PDE4DIP: variants seen among roughly 807,000 people sequenced by gnomAD.
The protein encoded by PDE4DIP is myomegalin.
PDE4DIP carries 59 observed loss-of-function variants against 221.4 expected under a neutral mutation model. The ratio of observed to expected loss-of-function variants is 0.27; its 90% confidence interval spans 0.22 to 0.33. PDE4DIP has a LOEUF of 0.33. Among genes scored for constraint, PDE4DIP ranks in the 10% least tolerant of loss-of-function variants. The probability of loss-of-function intolerance (pLI) is 1.00; values close to 1 mark genes in which losing one functional copy is unlikely to be tolerated. For synonymous variants in PDE4DIP, 404 were observed against 815.9 expected, an observed-to-expected ratio of 0.50 and a Z score of 8.60; for missense variants, 1,036 against 2,154.2, an observed-to-expected ratio of 0.48 and a Z score of 10.28.
At chr1:148,916,162 AAT>A (rs367712407) in intron 1 of PDE4DIP, among the ~76,000 whole-genome samples, 1,549 of 150,780 alleles carry the variant, frequency 0.01, no homozygotes, top group Non-Finnish European at 0.017. Flanking sequence ...AGTAAAAAGA[AAT>A]ATGTGAAATT....
chr1:149,015,329 C>T (rs1298446379), intron 32 of PDE4DIP, among the ~76,000 whole-genome samples: 2 of 151,770 alleles, frequency 1.3e-5, no homozygotes, highest in Non-Finnish European at 2.9e-5. Flanking sequence ...GGGCTAAAAA[C>T]TGGCAAGTGG....
intron 22 of PDE4DIP, among the ~76,000 whole-genome samples, chr1:148,996,642 T>C (rs1212785648): frequency 6.6e-6 from 1 of 152,156 alleles, no homozygotes; most frequent in African/African-American, 2.4e-5. Flanking sequence ...TGCACATGCA[T>C]ACTGTGAATC....
intron 23 of PDE4DIP, among the ~76,000 whole-genome samples, chr1:149,001,166 C>T (rs2065571279): frequency 6.6e-6 from 1 of 152,214 alleles, no homozygotes; most frequent in African/African-American, 2.4e-5. Flanking sequence ...GTTCCTAAGT[C>T]CCAATGGTTT....
intron 14 of PDE4DIP, among the ~76,000 whole-genome samples, chr1:148,971,656 A>G (rs2059243720): frequency 6.6e-6 from 1 of 151,776 alleles, no homozygotes; most frequent in Non-Finnish European, 1.5e-5. Context: ...TAAAGTCACC[A>G]TGCTATCATT....
At chr1:148,816,971 T>C in intron 1 of PDE4DIP, among the ~76,000 whole-genome samples, 1 of 93,788 alleles carries the variant, frequency 1.1e-5, no homozygotes, top group Non-Finnish European at 2.5e-5. Context: ...TGCTCTTTTT[T>C]TCCTTCAGCT....
chr1:148,869,803 GAAGA>G (rs1688491331), intron 3 of PDE4DIP, among the ~76,000 whole-genome samples: 1 of 112,474 alleles, frequency 8.9e-6, no homozygotes, highest in African/African-American at 3.7e-5. Context: ...AAAAAAAAAG[GAAGA>G]AAGAAATAGC....
intron 2 of PDE4DIP, chr1:148,930,090 C>A (rs1412490901): frequency 6.6e-6 from 1 of 151,056 alleles, no homozygotes; most frequent in Non-Finnish European, 1.5e-5. Context: ...ATTTATATTG[C>A]TAAAATGGTT....
At chr1:148,932,607 A>G (rs2048315383) in intron 4 of PDE4DIP, 11 of 451,230 alleles carry the variant, frequency 2.4e-5, no homozygotes, top group South Asian at 2.2e-4. Context: ...CAAAAGACCT[A>G]ATTCTTGTCA....
At chr1:148,981,798 G>A in intron 21 of PDE4DIP, 1 of 206,464 alleles carries the variant, frequency 4.8e-6, no homozygotes, top group East Asian at 1.0e-4. Flanking sequence ...CATTTCATAT[G>A]TTCCATATCA....
intron 4 of PDE4DIP, among the ~76,000 whole-genome samples, chr1:148,934,355 A>G (rs1384329041): frequency 6.6e-6 from 1 of 152,018 alleles, no homozygotes; most frequent in Non-Finnish European, 1.5e-5. Context: ...CAAAACCCCA[A>G]GTAAAGCACA....
intron 29 of PDE4DIP, 89 bp from the exon 33 acceptor site, chr1:149,009,479 G>A (rs1322859905): frequency 1.4e-6 from 1 of 736,084 alleles, no homozygotes; most frequent in African/African-American, 1.7e-5. Context: ...GGTCCCCTTG[G>A]CTTACTTGGC....
intron 1 of PDE4DIP, among the ~76,000 whole-genome samples, chr1:148,861,365 G>A (rs199824837): frequency 6.2e-5 from 1 of 16,174 alleles, no homozygotes; most frequent in Non-Finnish European, 1.3e-4. Context: ...TAGGCTGGGC[G>A]CAGTGGCTCA....
chr1:148,938,729 G>A (rs2049847510), intron 5 of PDE4DIP, among the ~76,000 whole-genome samples: 1 of 151,078 alleles, frequency 6.6e-6, no homozygotes, highest in Admixed American at 6.6e-5. Flanking sequence ...GGTACTAGTT[G>A]AAATGGTGAT....
chr1:149,002,638 G>GGTGCT (rs1245241696), intron 24 of PDE4DIP, among the ~76,000 whole-genome samples: 8 of 152,114 alleles, frequency 5.3e-5, no homozygotes, highest in Non-Finnish European at 1.0e-4. Context: ...AGACTTGATT[G>GGTGCT]GTGCTGTGCT....
chr1:149,020,551 C>T (rs1553617346), intron 36 of PDE4DIP: 1 of 240,348 alleles, frequency 4.2e-6, no homozygotes, highest in African/African-American at 2.3e-5. Flanking sequence ...CTTGTCACTC[C>T]CAAGTTGAGA....
rs1331342162 is a variant in PDE4DIP at position 148,877,322 on chromosome 1, A to G, written c.441+8700A>G. ...AAACATTGATATTGATTATGTCTGG[A>G]TGATGGAATTAGCCTATTGCCTTCT... On this transcript the variant is annotated intron_variant, in intron 3 of 45. Coordinates refer to the PDE4DIP transcript ENST00000524974. Among the ~76,000 whole-genome samples the G allele has an allele frequency of 2.7e-5, 4 of 148,350 alleles. No individual in the cohort carries two copies. In the East Asian group the frequency reaches 5.8e-4, roughly 22 times the overall value.
At position 148,892,071 on chromosome 1, in the gene PDE4DIP, G is replaced by C. The variant is rs1329763675; in HGVS notation, c.141+2177G>C. On this transcript the variant is annotated intron_variant, in intron 1 of 43. Transcript: ENST00000369354. ...CGCCCAGGCTAGAGTGCAGTGGCACGATCTCAGCTCACTGCAACCTCCGCC... is the reference window on the plus strand; with the variant it reads ...CGCCCAGGCTAGAGTGCAGTGGCACCATCTCAGCTCACTGCAACCTCCGCC... Among the ~76,000 whole-genome samples, 8 of 113,258 alleles carry C rather than the reference G, an allele frequency of 7.1e-5. 1 individual carries two copies. The highest frequency in any genetic ancestry group is 1.4e-4 in the Non-Finnish European group (8 of 58,170). The allele number at this position is 113,258 out of a possible 152,430, so 74.3% of individuals were successfully genotyped here. A position where few individuals can be genotyped will look rare whatever the true frequency, so the allele number is the denominator to read the frequency against.
intron 41 of PDE4DIP, among the ~76,000 whole-genome samples, 189 bp downstream of exon 44, chr1:149,028,892 T>A (rs1328195148): frequency 6.6e-6 from 1 of 152,050 alleles, no homozygotes; most frequent in Non-Finnish European, 1.5e-5. Context: ...ATTACAGCTC[T>A]GAATATATCC....
intron 32 of PDE4DIP, among the ~76,000 whole-genome samples, chr1:149,013,111 T>C (rs2069141575): frequency 6.6e-6 from 1 of 152,232 alleles, no homozygotes; most frequent in Non-Finnish European, 1.5e-5. Context: ...GATGTTATGC[T>C]TTGCCTATGC....
Sources: allele counts gnomAD v4.1 joint callset (sites outside exome capture counted in the v4.1 genomes callset), GRCh38; gene constraint gnomAD v4.1.1; transcripts MANE v1.5; gene names NCBI Gene and HGNC (gene_info 2026-07-23, HGNC 2026-07-21).